SHISA9: variants seen among roughly 807,000 people sequenced by gnomAD.
SHISA9 encodes shisa family member 9.
SHISA9 carries 13 observed loss-of-function variants against 38.0 expected under a neutral mutation model. The observed-to-expected ratio is 0.34, with a 90% CI of 0.22 to 0.54. SHISA9 has a LOEUF of 0.54. Ranked by LOEUF, SHISA9 falls within the 20% of genes least tolerant of loss-of-function variation. SHISA9 has a pLI of 0.91. For missense variants in SHISA9, 538 were observed against 575.8 expected, an observed-to-expected ratio of 0.93 and a Z score of 0.67; for synonymous variants, 275 against 242.0, an observed-to-expected ratio of 1.14 and a Z score of -1.27.
the SHISA9 span, among the ~76,000 whole-genome samples, chr16:13,368,997 G>A: frequency 3.3e-5 from 5 of 152,104 alleles, no homozygotes; most frequent in African/African-American, 1.2e-4. Context: ...GAAATGTGAT[G>A]TTGGTGAAAG....
intron 2 of SHISA9, among the ~76,000 whole-genome samples, chr16:13,116,778 G>C (rs771160772): frequency 1.3e-5 from 2 of 152,144 alleles, no homozygotes; most frequent in African/African-American, 2.4e-5. Flanking sequence ...AACAAAGGAG[G>C]TTTCATACGT....
intron 1 of SHISA9, among the ~76,000 whole-genome samples, chr16:12,904,869 A>G (rs1468766856): frequency 6.6e-6 from 1 of 151,988 alleles, no homozygotes; most frequent in Non-Finnish European, 1.5e-5. Flanking sequence ...GAGCATCTGT[A>G]TTATTATTTA....
At chr16:13,217,755 C>T (rs907060035) in intron 4 of SHISA9, among the ~76,000 whole-genome samples, 4 of 152,120 alleles carry the variant, frequency 2.6e-5, no homozygotes, top group African/African-American at 9.7e-5. Context: ...CTAGGCCGGG[C>T]GTGGTGGCTC....
chr16:13,182,337 A>G (rs2050785482), intron 2 of SHISA9, among the ~76,000 whole-genome samples: 1 of 152,194 alleles, frequency 6.6e-6, no homozygotes, highest in South Asian at 2.1e-4. Flanking sequence ...ATTGTATAAA[A>G]CCATCCTCTG....
chr16:13,219,678 T>C (rs551557195), intron 4 of SHISA9, among the ~76,000 whole-genome samples: 60 of 152,176 alleles, frequency 3.9e-4, no homozygotes, highest in Non-Finnish European at 8.1e-4. Flanking sequence ...GGATATGACA[T>C]CCAAACCACA....
At chr16:13,147,344 C>T (rs2050456224) in intron 2 of SHISA9, among the ~76,000 whole-genome samples, 1 of 151,958 alleles carries the variant, frequency 6.6e-6, no homozygotes, top group Admixed American at 6.6e-5. Flanking sequence ...CAAGGGTTTG[C>T]CCAAGGTCAG....
chr16:12,902,445 C>T lies in SHISA9; in HGVS notation c.381C>T (p.Leu127=), dbSNP rs1460175798. The T allele has an allele frequency of 4.5e-6, 7 of 1,551,324 alleles. No individual in the cohort carries two copies. Among genetic ancestry groups the T allele is most frequent in the South Asian group, 1.2e-5 (1 of 84,068 alleles). ...CCTGCACCAACTACGACACGCCGCTCTGGCTCAACACCGGCAAGCCCCCCG... is the reference window on the plus strand; with the variant it reads ...CCTGCACCAACTACGACACGCCGCTTTGGCTCAACACCGGCAAGCCCCCCG... ...QSTCTNYDTP[L]WLNTGKPPAR... The change falls in exon 1 of 5, where the codon CTC becomes CTT. Residue 127 remains leucine (L), a synonymous_variant. Transcript: ENST00000558583.
At chr16:13,484,855 G>A in the SHISA9 span, among the ~76,000 whole-genome samples, 9 of 152,194 alleles carry the variant, frequency 5.9e-5, no homozygotes, top group East Asian at 1.7e-3. Context: ...CAGCAAGGGG[G>A]ACGTCCACTC....
At chr16:12,939,179 G>A (rs1165902592) in intron 2 of SHISA9, among the ~76,000 whole-genome samples, 2 of 152,078 alleles carry the variant, frequency 1.3e-5, no homozygotes, top group African/African-American at 4.8e-5. Context: ...TGTCTTCCAA[G>A]TTCAAGCGAT....
At chr16:13,124,262 G>T (rs1372113819) in intron 2 of SHISA9, among the ~76,000 whole-genome samples, 1 of 152,198 alleles carries the variant, frequency 6.6e-6, no homozygotes, top group Non-Finnish European at 1.5e-5. Context: ...ACTGTGTGTT[G>T]AAAATTGTCT....
chr16:13,200,480 T>G (rs2142051689), intron 2 of SHISA9, among the ~76,000 whole-genome samples: 1 of 148,242 alleles, frequency 6.7e-6, no homozygotes, highest in East Asian at 2.0e-4. Context: ...AATGAGAACT[T>G]AACAGTAAGC....
intron 2 of SHISA9, among the ~76,000 whole-genome samples, chr16:12,973,879 A>G (rs2072119246): frequency 6.6e-6 from 1 of 152,110 alleles, no homozygotes; most frequent in Non-Finnish European, 1.5e-5. Context: ...TCTTGTGTGG[A>G]TATTATCTGG....
chr16:12,925,971 C>G (rs2141734386), intron 2 of SHISA9, among the ~76,000 whole-genome samples: 1 of 152,274 alleles, frequency 6.6e-6, no homozygotes, highest in African/African-American at 2.4e-5. Context: ...GATGATCCAC[C>G]TGCCTCGGCC....
At chr16:12,948,327 A>G (rs1567349260) in intron 2 of SHISA9, among the ~76,000 whole-genome samples, 1 of 152,226 alleles carries the variant, frequency 6.6e-6, no homozygotes, top group Non-Finnish European at 1.5e-5. Context: ...AGCCACTCTC[A>G]TCAGTAAAGG....
chr16:13,000,956 G>A (rs1314424514), intron 2 of SHISA9, among the ~76,000 whole-genome samples: 1 of 152,098 alleles, frequency 6.6e-6, no homozygotes, highest in Admixed American at 6.6e-5. Flanking sequence ...TTGAGATGGA[G>A]TCTCACTCTG....
chr16:13,080,141 A>G (rs1176901928), intron 2 of SHISA9, among the ~76,000 whole-genome samples: 1 of 152,162 alleles, frequency 6.6e-6, no homozygotes, highest in African/African-American at 2.4e-5. Flanking sequence ...TGGGAGGCCG[A>G]GGCAGGAGGA....
intron 2 of SHISA9, among the ~76,000 whole-genome samples, chr16:13,047,677 A>G (rs541010934): frequency 7.2e-5 from 11 of 152,140 alleles, no homozygotes; most frequent in Non-Finnish European, 1.5e-4. Flanking sequence ...GAAGAAATAA[A>G]CATCTATCAA....
At chr16:13,359,703 C>G in the SHISA9 span, among the ~76,000 whole-genome samples, 1 of 152,126 alleles carries the variant, frequency 6.6e-6, no homozygotes, top group Non-Finnish European at 1.5e-5. Context: ...TTTGTAAGAT[C>G]TGAAGTTTAT....
At chr16:13,280,420 T>C in the SHISA9 span, among the ~76,000 whole-genome samples, 6 of 151,736 alleles carry the variant, frequency 4.0e-5, no homozygotes, top group African/African-American at 1.4e-4. Context: ...ATTTTCTGAC[T>C]TGTTCATCGA....
Sources: allele counts gnomAD v4.1 joint callset (sites outside exome capture counted in the v4.1 genomes callset), GRCh38; gene constraint gnomAD v4.1.1; transcripts MANE v1.5; gene names NCBI Gene and HGNC (gene_info 2026-07-23, HGNC 2026-07-21).